ST6GAL1: variants seen among roughly 807,000 people sequenced by gnomAD.
The protein encoded by ST6GAL1 is ST6 beta-galactoside alpha-2,6-sialyltransferase 1.
In ST6GAL1, 20 loss-of-function variants were observed where a neutral mutation model predicts 38.0. The observed-to-expected ratio is 0.53, with a 90% CI of 0.37 to 0.77. The LOEUF (loss-of-function observed/expected upper bound fraction) is 0.77. Ranked by LOEUF, ST6GAL1 falls within the 30% of genes least tolerant of loss-of-function variation. The probability of loss-of-function intolerance (pLI) is 0.00; values close to 1 mark genes in which losing one functional copy is unlikely to be tolerated. For missense variants in ST6GAL1, 432 were observed against 496.4 expected (o/e 0.87, Z 1.23); for synonymous variants, 196 against 188.2 (o/e 1.04, Z -0.34).
intron 2 of ST6GAL1, among the ~76,000 whole-genome samples, chr3:186,998,571 G>A (rs1178789953): frequency 6.6e-6 from 1 of 152,142 alleles, no homozygotes; most frequent in East Asian, 1.9e-4. Context: ...GAAGGAGGGC[G>A]AGGGGGAGGC....
At chr3:186,955,603 A>G (rs368994291) in intron 1 of ST6GAL1, among the ~76,000 whole-genome samples, 11 of 151,968 alleles carry the variant, frequency 7.2e-5, no homozygotes, top group African/African-American at 2.7e-4. Context: ...CCCGGGTTCA[A>G]GCGATTCTCT....
rs754929372 is a variant in ST6GAL1 at position 187,043,238 on chromosome 3, G to A, written c.535G>A (p.Gly179Arg). ...CAAGGAGAGCATTAGGACCAAGGCT[G>A]GGCCTTGGGGCAGGTGTGCTGTTGT... ...LPKESIRTKA[G>R]PWGRCAVVSS... is the part of the protein sequence containing the mutation. The change falls in exon 4 of 8, where the codon GGG becomes AGG. Residue 179 changes from glycine (G) to arginine (R), a missense_variant. Coordinates refer to ENST00000169298, the MANE Select transcript of ST6GAL1 (RefSeq NM_173216.2). 6.2e-7 allele frequency: 1 copy of A among 1,614,190 alleles called. No individual in the cohort carries two copies. The highest frequency in any genetic ancestry group is 8.5e-7 in the Non-Finnish European group (1 of 1,180,026).
At chr3:187,053,829 T>G (rs1349826112) in intron 5 of ST6GAL1, among the ~76,000 whole-genome samples, 1 of 152,268 alleles carries the variant, frequency 6.6e-6, no homozygotes, top group East Asian at 1.9e-4. Context: ...TTTCCAATTC[T>G]GTGAAGAATG....
At chr3:187,072,590 C>T (rs1208096357) in intron 5 of ST6GAL1, 5 of 415,750 alleles carry the variant, frequency 1.2e-5, no homozygotes, top group Non-Finnish European at 2.3e-5. Flanking sequence ...ACCCTTGCCC[C>T]CGTAATCTCA....
At chr3:187,027,996 C>T (rs182076307) in intron 2 of ST6GAL1, among the ~76,000 whole-genome samples, 4 of 152,162 alleles carry the variant, frequency 2.6e-5, no homozygotes, top group African/African-American at 7.2e-5. Flanking sequence ...GAACATTGAC[C>T]ATTTGGTTAG....
chr3:187,010,063 T>G (rs1034581238), intron 2 of ST6GAL1, among the ~76,000 whole-genome samples: 1 of 152,166 alleles, frequency 6.6e-6, no homozygotes. Flanking sequence ...TAACTTGTCC[T>G]CTTTAAAGGA....
intron 2 of ST6GAL1, among the ~76,000 whole-genome samples, chr3:187,003,865 A>T (rs1334828743): frequency 1.3e-5 from 2 of 152,216 alleles, no homozygotes; most frequent in Non-Finnish European, 2.9e-5. Flanking sequence ...TGGTCCTCGT[A>T]AGGGTTCTTA....
chr3:187,074,029 A>G, intron 6 of ST6GAL1, 130 bp from the exon 7 acceptor site: 2 of 777,250 alleles, frequency 2.6e-6, no homozygotes, highest in South Asian at 2.6e-5. Flanking sequence ...CTGCAAGAAA[A>G]GGGCTGTGCC....
At chr3:186,943,486 C>T (rs1714251332) in intron 1 of ST6GAL1, among the ~76,000 whole-genome samples, 1 of 152,148 alleles carries the variant, frequency 6.6e-6, no homozygotes, top group Non-Finnish European at 1.5e-5. Context: ...GAGTCTCGCT[C>T]TTGCTCAGGC....
intron 2 of ST6GAL1, among the ~76,000 whole-genome samples, chr3:187,011,843 A>T (rs186915174): frequency 6.6e-6 from 1 of 152,350 alleles, no homozygotes; most frequent in African/African-American, 2.4e-5. Context: ...ATCTTAGGGA[A>T]CTAATTCAAA....
At chr3:186,989,363 A>G (rs909707802) in intron 2 of ST6GAL1, among the ~76,000 whole-genome samples, 1 of 152,246 alleles carries the variant, frequency 6.6e-6, no homozygotes, top group Non-Finnish European at 1.5e-5. Flanking sequence ...CAACGTATAA[A>G]AACATTTCTT....
intron 2 of ST6GAL1, among the ~76,000 whole-genome samples, chr3:186,972,546 G>C (rs1177268815): frequency 6.6e-6 from 1 of 151,942 alleles, no homozygotes; most frequent in African/African-American, 2.4e-5. Context: ...CACCATGCCC[G>C]GCCACTGCTT....
chr3:186,993,171 G>C (rs1365059082), intron 2 of ST6GAL1, among the ~76,000 whole-genome samples: 1 of 152,214 alleles, frequency 6.6e-6, no homozygotes, highest in African/African-American at 2.4e-5. Context: ...CACCTGCATG[G>C]GGAGTTGAAA....
chr3:186,942,396 G>A (rs1714209394), intron 1 of ST6GAL1: 1 of 152,210 alleles, frequency 6.6e-6, no homozygotes, highest in Non-Finnish European at 1.5e-5. Context: ...TCTGGCACCT[G>A]GAAAAGAACT....
Position 186,946,307 on chromosome 3 carries a change from CA to C in ST6GAL1, c.-325+15484del, listed in dbSNP as rs879351251. On this transcript the variant is annotated intron_variant, in intron 1 of 7. Coordinates refer to ENST00000169298, the MANE Select transcript of ST6GAL1 (RefSeq NM_173216.2). ...TGGGCGACAGAGTGAGATTCCATTT[CA>C]AAAAAAAAAAGTGTTCCTTTTCCTT... Among the ~76,000 whole-genome samples, 521 of 136,568 alleles carry C rather than the reference CA, an allele frequency of 3.8e-3. 4 individuals are homozygous for C. The highest frequency in any genetic ancestry group is 0.01 in the African/African-American group (376 of 37,372). The allele number at this position is 136,568 out of a possible 152,430, so 89.6% of individuals were successfully genotyped here.
At chr3:186,947,224 A>G (rs1714400597) in intron 1 of ST6GAL1, among the ~76,000 whole-genome samples, 1 of 152,172 alleles carries the variant, frequency 6.6e-6, no homozygotes, top group Non-Finnish European at 1.5e-5. Flanking sequence ...GCACAGGTAC[A>G]ATTATCTCTA....
intron 2 of ST6GAL1, chr3:187,021,752 A>C (rs1717311178): frequency 1.3e-5 from 2 of 152,036 alleles, no homozygotes; most frequent in Non-Finnish European, 2.9e-5. Context: ...AAAAAAAAAA[A>C]AAAAAAAAAC....
intron 1 of ST6GAL1, among the ~76,000 whole-genome samples, chr3:186,961,394 G>C (rs1714932199): frequency 6.6e-6 from 1 of 152,202 alleles, no homozygotes; most frequent in Admixed American, 6.5e-5. Context: ...AGTTTTGAAA[G>C]AGTGTCAGAT....
chr3:186,971,751 G>C (rs1426744659), intron 2 of ST6GAL1, among the ~76,000 whole-genome samples: 1 of 152,208 alleles, frequency 6.6e-6, no homozygotes, highest in African/African-American at 2.4e-5. Flanking sequence ...CAAACATCCT[G>C]TAAGTGCTGA....
Sources: allele counts gnomAD v4.1 joint callset (sites outside exome capture counted in the v4.1 genomes callset), GRCh38; gene constraint gnomAD v4.1.1; transcripts MANE v1.5; gene names NCBI Gene and HGNC (gene_info 2026-07-23, HGNC 2026-07-21).